Variants in TTC8 observed in about 807,000 individuals in gnomAD.
TTC8 encodes tetratricopeptide repeat protein 8.
A neutral mutation model predicts 72.5 loss-of-function variants in TTC8; 47 were observed. The observed-to-expected ratio is 0.65, with a 90% CI of 0.51 to 0.83. TTC8 has a LOEUF of 0.83. Among genes scored for constraint, TTC8 ranks in the 40% least tolerant of loss-of-function variants. The pLI, the probability that TTC8 is intolerant of heterozygous loss-of-function variation, is 0.00. For synonymous variants in TTC8, 199 were observed against 221.4 expected (o/e 0.90, Z 0.90); for missense variants, 611 against 623.2 (o/e 0.98, Z 0.21).
chr14:88,839,426 A>G (rs1247170713), intron 2 of TTC8, 26 bp from the exon 3 acceptor site: 2 of 1,610,646 alleles, frequency 1.2e-6, no homozygotes, highest in East Asian at 2.2e-5. Context: ...ATTTTAATAT[A>G]TGTTTTATTT....
intron 2 of TTC8, among the ~76,000 whole-genome samples, 167 bp from the exon 3 acceptor site, chr14:88,839,285 T>C (rs1425537620): frequency 7.4e-4 from 112 of 152,304 alleles, no homozygotes; most frequent in African/African-American, 2.6e-3. Context: ...AATGATGGCT[T>C]CTTGTATTAG....
chr14:88,840,773 C>G, intron 3 of TTC8, 92 bp from the exon 4 acceptor site: 1 of 1,291,158 alleles, frequency 7.7e-7, no homozygotes, highest in Non-Finnish European at 1.1e-6. Flanking sequence ...TCTTTTTCAC[C>G]AGGCCAGCGC....
At chr14:88,842,882 G>A (rs1443621821) in intron 6 of TTC8, among the ~76,000 whole-genome samples, 1 of 152,060 alleles carries the variant, frequency 6.6e-6, no homozygotes, top group Admixed American at 6.6e-5. Context: ...CATGGCAGTA[G>A]TAGCACCAAT....
chr14:88,834,874 C>T (rs1566832855), intron 2 of TTC8, among the ~76,000 whole-genome samples: 1 of 152,070 alleles, frequency 6.6e-6, no homozygotes, highest in South Asian at 2.1e-4. Flanking sequence ...TTTAAACTAG[C>T]ACAAGGACTC....
At chr14:88,824,934 C>A in intron 1 of TTC8, 113 bp downstream of exon 1, 1 of 1,038,524 alleles carries the variant, frequency 9.6e-7, no homozygotes, top group Non-Finnish European at 1.5e-6. Flanking sequence ...GCGGGGCTGA[C>A]CGTTCGGCCC....
intron 14 of TTC8, among the ~76,000 whole-genome samples, chr14:88,876,635 T>C (rs2141047952): frequency 6.6e-6 from 1 of 152,290 alleles, no homozygotes; most frequent in African/African-American, 2.4e-5. Flanking sequence ...TTATTATGTA[T>C]CAATAAAAAG....
chr14:88,864,010 A>T (rs1221309230), intron 10 of TTC8, among the ~76,000 whole-genome samples: 1 of 152,176 alleles, frequency 6.6e-6, no homozygotes, highest in Non-Finnish European at 1.5e-5. Context: ...TATTGAACAG[A>T]CATATCTCTG....
chr14:88,841,536 G>C (rs1213388284), intron 6 of TTC8, 22 bp downstream of exon 6: 1 of 1,552,828 alleles, frequency 6.4e-7, no homozygotes, highest in Non-Finnish European at 8.9e-7. Context: ...AAATGATTTT[G>C]AGTTATGAAG....
Position 88,877,613 on chromosome 14 carries a change from A to G in TTC8, c.*203A>G, listed in dbSNP as rs2094962631. ...TAGTAACTTTATAAAATAATATTATAAAATACAGGATTTAAACCTTTCTAA... is the reference window on the plus strand; with the variant it reads ...TAGTAACTTTATAAAATAATATTATGAAATACAGGATTTAAACCTTTCTAA... On this transcript the variant is annotated 3_prime_UTR_variant, in exon 15 of 15. Coordinates refer to ENST00000380656, the MANE Select transcript of TTC8 (RefSeq NM_144596.4). 4.4e-6 allele frequency: 2 copies of G among 459,308 alleles called. No individual in the cohort carries two copies. Among genetic ancestry groups the G allele is most frequent in the South Asian group, 3.1e-5 (1 of 32,756 alleles). The allele number at this position is 459,308 out of a possible 1,614,324, so 28.5% of individuals were successfully genotyped here. A position where few individuals can be genotyped will look rare whatever the true frequency, so the allele number is the denominator to read the frequency against.
chr14:88,868,489 T>G (rs11159874), intron 10 of TTC8, among the ~76,000 whole-genome samples: 3 of 152,024 alleles, frequency 2.0e-5, no homozygotes, highest in Non-Finnish European at 4.4e-5. Flanking sequence ...TGTTTATTAA[T>G]TTTTCAGTTT....
Position 88,853,181 on chromosome 14 carries a change from G to C in TTC8, c.710+125G>C, listed in dbSNP as rs1035229069. Reference sequence around the variant, plus strand: ...TGAGAACTGTGTCTTTGACTTACTTGATAAAGCATTTACTTAACAATCACA... The same window carrying C: ...TGAGAACTGTGTCTTTGACTTACTTCATAAAGCATTTACTTAACAATCACA... On this transcript the variant is annotated intron_variant, in intron 8 of 14. Coordinates refer to ENST00000380656, the MANE Select transcript of TTC8 (RefSeq NM_144596.4). The C allele has an allele frequency of 7.0e-6, 5 of 713,236 alleles. No homozygotes were observed. The African/African-American group carries it at 8.8e-5, about 13-fold the overall frequency. 44.2% of individuals were successfully genotyped at this position (713,236 alleles called of 1,614,324 possible). A position where few individuals can be genotyped will look rare whatever the true frequency, so the allele number is the denominator to read the frequency against.
intron 11 of TTC8, among the ~76,000 whole-genome samples, chr14:88,870,888 A>G (rs1323007715): frequency 1.3e-5 from 2 of 152,050 alleles, no homozygotes; most frequent in African/African-American, 2.4e-5. Flanking sequence ...CTACTCCCCA[A>G]CCCCCAAAGT....
At chr14:88,864,534 G>T (rs1408935625) in intron 10 of TTC8, among the ~76,000 whole-genome samples, 1 of 152,222 alleles carries the variant, frequency 6.6e-6, no homozygotes, top group Non-Finnish European at 1.5e-5. Flanking sequence ...CCAAGCCTCT[G>T]TTACAGTCAC....
intron 1 of TTC8, among the ~76,000 whole-genome samples, chr14:88,830,028 A>G (rs75632474): frequency 0.01 from 1,575 of 152,296 alleles, 22 homozygotes; most frequent in African/African-American, 0.036. Flanking sequence ...CGTGGTCACT[A>G]GATCTCTCTA....
At chr14:88,852,550 A>G (rs1431427224) in intron 7 of TTC8, among the ~76,000 whole-genome samples, 4 of 151,992 alleles carry the variant, frequency 2.6e-5, no homozygotes, top group Non-Finnish European at 5.9e-5. Context: ...ATTTCTCTAC[A>G]TCTGTCTTGA....
intron 2 of TTC8, among the ~76,000 whole-genome samples, chr14:88,836,482 G>A (rs1335428173): frequency 2.2e-5 from 3 of 139,012 alleles, no homozygotes; most frequent in Non-Finnish European, 4.5e-5. Context: ...TAGAGTGAGA[G>A]CCTGTCTTAA....
downstream of TTC8, chr14:88,878,594 C>T (rs552000013): frequency 5.9e-5 from 9 of 152,268 alleles, no homozygotes; most frequent in African/African-American, 2.2e-4. Context: ...AGGTCTTGTT[C>T]CTGCACCTTA....
intron 7 of TTC8, among the ~76,000 whole-genome samples, chr14:88,850,964 A>C (rs144365986): frequency 9.2e-5 from 14 of 152,292 alleles, no homozygotes; most frequent in Non-Finnish European, 1.9e-4. Flanking sequence ...AAAATTCTGT[A>C]CATCTCGAAG....
At chr14:88,875,946 C>G (rs1287621121) in intron 14 of TTC8, among the ~76,000 whole-genome samples, 1 of 152,200 alleles carries the variant, frequency 6.6e-6, no homozygotes, top group East Asian at 1.9e-4. Flanking sequence ...GACTGATGTT[C>G]TATTTATTGA....
Sources: gnomAD v4.1 joint callset for allele counts (sites outside exome capture counted in the v4.1 genomes callset) on GRCh38, gnomAD v4.1.1 for gene constraint, MANE v1.5 for transcripts, NCBI Gene and HGNC (gene_info 2026-07-23, HGNC 2026-07-21) for gene names.